Variants in EYA2 observed in about 807,000 individuals in gnomAD.
EYA2 encodes protein phosphatase EYA2.
A neutral mutation model predicts 69.2 loss-of-function variants in EYA2; 31 were observed. The ratio of observed to expected loss-of-function variants is 0.45; its 90% CI spans 0.34 to 0.60. The LOEUF (loss-of-function observed/expected upper bound fraction) is 0.60. EYA2 is among the 20% of genes least tolerant of loss of function. EYA2 has a pLI of 0.02. For synonymous variants in EYA2, 257 were observed against 279.4 expected (o/e 0.92, Z 0.80); for missense variants, 622 against 701.2 (o/e 0.89, Z 1.28).
rs1473703541 is a variant in EYA2 at position 46,991,820 on chromosome 20, TAGAC to T, written c.109+1704_109+1707del. On this transcript the variant is annotated intron_variant, in intron 2 of 15. Coordinates refer to ENST00000327619, the MANE Select transcript of EYA2 (RefSeq NM_005244.5). Reference sequence around the variant, plus strand: ...TCGTCTCTATTAAAAATGCAAAAATTAGACAGGCGTGGTGGCACACACCTGTAAT... The same window carrying T: ...TCGTCTCTATTAAAAATGCAAAAATTAGGCGTGGTGGCACACACCTGTAAT... 2.6e-5 allele frequency among the ~76,000 whole-genome samples: 4 copies of T among 151,698 alleles called. No homozygotes were observed. In the East Asian group the frequency reaches 7.7e-4, roughly 29 times the overall value.
At chr20:47,184,244 A>T (rs1224680629) in intron 15 of EYA2, among the ~76,000 whole-genome samples, 1 of 152,050 alleles carries the variant, frequency 6.6e-6, no homozygotes, top group Non-Finnish European at 1.5e-5. Context: ...GAGAAGTGAT[A>T]TTGAGGGGCA....
At chr20:47,053,253 G>T (rs1027436783) in intron 5 of EYA2, among the ~76,000 whole-genome samples, 2 of 152,062 alleles carry the variant, frequency 1.3e-5, no homozygotes, top group Non-Finnish European at 2.9e-5. Context: ...CACCCTTAGA[G>T]CCCTTATTGG....
intron 1 of EYA2, among the ~76,000 whole-genome samples, chr20:46,933,766 G>A (rs1985776207): frequency 6.6e-6 from 1 of 152,228 alleles, no homozygotes; most frequent in African/African-American, 2.4e-5. Flanking sequence ...ATTTGGGTTG[G>A]ACTGTGCTTT....
At chr20:47,038,927 A>AT (rs1392795453) in intron 5 of EYA2, among the ~76,000 whole-genome samples, 3 of 152,168 alleles carry the variant, frequency 2.0e-5, no homozygotes, top group Non-Finnish European at 4.4e-5. Context: ...AAACAAAAAA[A>AT]CATTGATCTT....
intron 1 of EYA2, among the ~76,000 whole-genome samples, chr20:46,944,861 T>C (rs932751858): frequency 6.6e-6 from 1 of 152,148 alleles, no homozygotes; most frequent in Non-Finnish European, 1.5e-5. Flanking sequence ...CCCAGCACTT[T>C]GTGAGGCCGA....
intron 1 of EYA2, among the ~76,000 whole-genome samples, chr20:46,918,237 C>T (rs1173528718): frequency 3.9e-5 from 6 of 151,926 alleles, no homozygotes; most frequent in African/African-American, 1.4e-4. Flanking sequence ...AGGAGAATGG[C>T]GTGAACCCAG....
intron 9 of EYA2, among the ~76,000 whole-genome samples, chr20:47,112,536 C>A (rs980738280): frequency 1.3e-5 from 2 of 152,046 alleles, no homozygotes; most frequent in East Asian, 1.9e-4. Flanking sequence ...CAGCTCCTTG[C>A]TGAGAGGAGA....
intron 1 of EYA2, among the ~76,000 whole-genome samples, chr20:46,957,296 T>C (rs954266520): frequency 2.6e-5 from 4 of 152,214 alleles, no homozygotes; most frequent in South Asian, 2.1e-4. Flanking sequence ...CTATCAATTA[T>C]ACACACTTGC....
rs115575122 is a variant in EYA2 at position 47,099,601 on chromosome 20, A to T, written c.888+2433A>T. Reference sequence around the variant, plus strand: ...GTGGAAGGTTTCTTCATATATGTACAGGAATGGTGACAGTTGAGGGGACGT... The same window carrying T: ...GTGGAAGGTTTCTTCATATATGTACTGGAATGGTGACAGTTGAGGGGACGT... On this transcript the variant is annotated intron_variant, in intron 9 of 15. Coordinates refer to ENST00000327619, the MANE Select transcript of EYA2 (RefSeq NM_005244.5). 4.8e-3 allele frequency among the ~76,000 whole-genome samples: 735 copies of T among 152,320 alleles called. 7 individuals carry two copies. The highest frequency in any genetic ancestry group is 0.017 in the African/African-American group (690 of 41,578).
At chr20:47,036,274 A>G (rs572680832) in intron 5 of EYA2, among the ~76,000 whole-genome samples, 6 of 152,334 alleles carry the variant, frequency 3.9e-5, no homozygotes, top group Admixed American at 6.5e-5. Flanking sequence ...GTGCCAGGAA[A>G]TTCAATCATG....
At chr20:47,181,902 T>G (rs1267545970) in intron 14 of EYA2, among the ~76,000 whole-genome samples, 2 of 152,258 alleles carry the variant, frequency 1.3e-5, no homozygotes, top group East Asian at 3.9e-4. Flanking sequence ...TTTTTCCCAT[T>G]TTTCCTGCAT....
chr20:47,110,030 C>T (rs1469451007), intron 9 of EYA2, among the ~76,000 whole-genome samples: 1 of 152,192 alleles, frequency 6.6e-6, no homozygotes, highest in Non-Finnish European at 1.5e-5. Context: ...CGCATCAGCA[C>T]AGACAGAGCT....
At chr20:46,968,409 T>C (rs1979922028) in intron 1 of EYA2, among the ~76,000 whole-genome samples, 1 of 152,228 alleles carries the variant, frequency 6.6e-6, no homozygotes. Context: ...ACAGCAACTC[T>C]CTGAGGTTGG....
At chr20:46,951,578 G>A (rs1568683682) in intron 1 of EYA2, among the ~76,000 whole-genome samples, 2 of 152,170 alleles carry the variant, frequency 1.3e-5, no homozygotes, top group Non-Finnish European at 2.9e-5. Flanking sequence ...GCCCTGAAGG[G>A]CAACCGGGCT....
chr20:47,177,010 C>G (rs781193787), intron 12 of EYA2, among the ~76,000 whole-genome samples: 1 of 152,132 alleles, frequency 6.6e-6, no homozygotes, highest in Non-Finnish European at 1.5e-5. Flanking sequence ...GTTGGCCAGG[C>G]TGATCTCGAA....
chr20:47,046,116 C>G (rs1326709507), intron 5 of EYA2, among the ~76,000 whole-genome samples: 1 of 152,240 alleles, frequency 6.6e-6, no homozygotes. Flanking sequence ...GGTGGGGACT[C>G]TCTTCCTGGT....
At chr20:47,062,673 T>C (rs1366204817) in intron 5 of EYA2, among the ~76,000 whole-genome samples, 1 of 152,100 alleles carries the variant, frequency 6.6e-6, no homozygotes, top group Non-Finnish European at 1.5e-5. Flanking sequence ...CTCGGGTTCG[T>C]GTTACATGGG....
At chr20:46,947,919 C>A (rs909837532) in intron 1 of EYA2, among the ~76,000 whole-genome samples, 1 of 151,954 alleles carries the variant, frequency 6.6e-6, no homozygotes, top group Non-Finnish European at 1.5e-5. Context: ...GAGTTCCAGA[C>A]CAGCTTAGGC....
intron 10 of EYA2, chr20:47,161,372 G>C: frequency 2.3e-6 from 1 of 437,982 alleles, no homozygotes; most frequent in Non-Finnish European, 4.3e-6. Flanking sequence ...TGCGCTGGCT[G>C]GCGTGGGTCT....
Sources: gnomAD v4.1 joint callset for allele counts (sites outside exome capture counted in the v4.1 genomes callset) on GRCh38, gnomAD v4.1.1 for gene constraint, MANE v1.5 for transcripts, NCBI Gene and HGNC (gene_info 2026-07-23, HGNC 2026-07-21) for gene names.